Variants in EYS observed in about 807,000 individuals in gnomAD.
EYS encodes protein eyes shut homolog.
Under a neutral mutation model 282.1 loss-of-function variants are expected in EYS, and 250 were observed. The observed-to-expected ratio is 0.89, with a 90% CI of 0.80 to 0.98. EYS has a LOEUF of 0.98. Ranked by LOEUF, EYS falls within the 50% of genes least tolerant of loss-of-function variation. The pLI, the probability that EYS is intolerant of heterozygous loss-of-function variation, is 0.00. For synonymous variants in EYS, 1,355 were observed against 1,282.9 expected, an observed-to-expected ratio of 1.06 and a Z score of -1.20; for missense variants, 4,016 against 3,709.0, an observed-to-expected ratio of 1.08 and a Z score of -2.15.
intron 35 of EYS, among the ~76,000 whole-genome samples, chr6:63,911,648 G>T (rs549867122): frequency 1.3e-5 from 2 of 152,108 alleles, no homozygotes; most frequent in Non-Finnish European, 2.9e-5. Flanking sequence ...AGATATTATG[G>T]TCTCCTTTTT....
At chr6:64,902,029 G>C in intron 18 of EYS, 84 bp downstream of exon 18, 1 of 893,710 alleles carries the variant, frequency 1.1e-6, no homozygotes, top group Non-Finnish European at 1.7e-6. Flanking sequence ...AGCTGCCTTA[G>C]TTACATAATG....
chr6:64,975,558 GAATA>G (rs1481616840), intron 14 of EYS, among the ~76,000 whole-genome samples: 1 of 151,610 alleles, frequency 6.6e-6, no homozygotes, highest in Non-Finnish European at 1.5e-5. Flanking sequence ...TTAAACAAAT[GAATA>G]AATAAAGCCC....
rs202225685 is a variant in EYS at position 64,655,059 on chromosome 6, G to GA, written c.3444-28815dup. ...GTTTTACCTTCTAAATTAAAAACGT[G>GA]AAAAAAATCGATCCATCAAAGAACT... On this transcript the variant is annotated intron_variant, in intron 22 of 42. Transcript: ENST00000503581. Among the ~76,000 whole-genome samples the GA allele has an allele frequency of 1.3e-3, 204 of 152,056 alleles. 3 individuals are homozygous for GA. In the East Asian group the frequency reaches 0.033, roughly 25 times the overall value.
intron 5 of EYS, among the ~76,000 whole-genome samples, chr6:65,431,731 G>A (rs1000485499): frequency 8.6e-5 from 13 of 151,818 alleles, no homozygotes; most frequent in South Asian, 6.2e-4. Flanking sequence ...CTAAATTTCC[G>A]TAATTTTCAT....
intron 26 of EYS, among the ~76,000 whole-genome samples, chr6:64,544,322 AGT>A (rs1764782180): frequency 6.6e-6 from 1 of 152,258 alleles, no homozygotes; most frequent in Non-Finnish European, 1.5e-5. Context: ...AGGGAAAGAA[AGT>A]GTTGCAATTA....
intron 26 of EYS, among the ~76,000 whole-genome samples, chr6:64,464,323 AT>A (rs1445638472): frequency 6.6e-6 from 1 of 152,174 alleles, no homozygotes; most frequent in Non-Finnish European, 1.5e-5. Flanking sequence ...ACTATAGATG[AT>A]AAACCTACAG....
chr6:64,542,710 A>T (rs1209981292), intron 26 of EYS, among the ~76,000 whole-genome samples: 2 of 152,126 alleles, frequency 1.3e-5, no homozygotes, highest in Admixed American at 1.3e-4. Flanking sequence ...TAATTGTCTG[A>T]TGTGGACCAT....
intron 12 of EYS, among the ~76,000 whole-genome samples, chr6:65,090,513 T>G (rs959273009): frequency 6.6e-6 from 1 of 152,168 alleles, no homozygotes; most frequent in Non-Finnish European, 1.5e-5. Flanking sequence ...TCTTTGTGGA[T>G]TAGAAATATA....
chr6:64,446,881 T>A (rs990896585), intron 26 of EYS, among the ~76,000 whole-genome samples: 1 of 151,838 alleles, frequency 6.6e-6, no homozygotes, highest in Non-Finnish European at 1.5e-5. Context: ...AGATAAATGT[T>A]AGGAAATATT....
chr6:64,095,709 A>G (rs901177600), intron 31 of EYS, among the ~76,000 whole-genome samples: 4 of 152,224 alleles, frequency 2.6e-5, no homozygotes, highest in South Asian at 2.1e-4. Flanking sequence ...TCTTTATCCA[A>G]TTTGCCAGGC....
At chr6:64,916,618 GA>G (rs1434006137) in intron 15 of EYS, among the ~76,000 whole-genome samples, 1 of 152,078 alleles carries the variant, frequency 6.6e-6, no homozygotes. Flanking sequence ...TTTGCTCCAT[GA>G]AATAATTTCA....
chr6:65,274,016 A>G (rs1194899760), intron 12 of EYS, among the ~76,000 whole-genome samples: 1 of 152,140 alleles, frequency 6.6e-6, no homozygotes, highest in Non-Finnish European at 1.5e-5. Context: ...ACTGGGGCTT[A>G]TGGAGGTCAG....
intron 26 of EYS, among the ~76,000 whole-genome samples, chr6:64,509,674 A>G (rs1562033010): frequency 6.6e-6 from 1 of 152,186 alleles, no homozygotes; most frequent in Non-Finnish European, 1.5e-5. Context: ...TATTATGTAT[A>G]TCAAGGGGCC....
intron 5 of EYS, among the ~76,000 whole-genome samples, chr6:65,405,815 T>C (rs1460406058): frequency 6.6e-6 from 1 of 152,096 alleles, no homozygotes; most frequent in Non-Finnish European, 1.5e-5. Context: ...TATATACATT[T>C]TGTTAATCCA....
At chr6:64,570,965 A>C (rs1447899643) in intron 26 of EYS, among the ~76,000 whole-genome samples, 1 of 152,194 alleles carries the variant, frequency 6.6e-6, no homozygotes, top group African/African-American at 2.4e-5. Flanking sequence ...ACCCCAGATC[A>C]ACAGAATATA....
rs1158665419 is a variant in EYS, at chr6:65,384,368, A to G, written c.1299+18T>C. On this transcript the variant is annotated intron_variant, in intron 8 of 42. Transcript: ENST00000503581. ...TTTTGAAGGGCTAACTTATGTTGCC[A>G]TGTATTAAATTACTTACTTTGAATC... is the stretch of plus-strand genomic sequence containing the variant. 4 of 1,356,332 alleles carry G rather than the reference A, an allele frequency of 2.9e-6. No individual in the cohort carries two copies. The highest frequency in any genetic ancestry group is 1.8e-4 in the Middle Eastern group (1 of 5,586). The allele number at this position is 1,356,332 out of a possible 1,614,324, so 84.0% of individuals were successfully genotyped here. A position where few individuals can be genotyped will look rare whatever the true frequency, so the allele number is the denominator to read the frequency against.
intron 25 of EYS, 44 bp from the exon 26 acceptor site, chr6:64,592,033 G>C: frequency 1.5e-6 from 2 of 1,373,642 alleles, no homozygotes; most frequent in Non-Finnish European, 1.9e-6. Flanking sequence ...AAATGAATCA[G>C]AAACGAACCA....
chr6:63,984,645 C>T (rs966504435), intron 34 of EYS, 42 bp from the exon 35 acceptor site: 3 of 1,353,524 alleles, frequency 2.2e-6, no homozygotes, highest in Non-Finnish European at 3.1e-6. Flanking sequence ...AGGTTGTTGT[C>T]AGATTATGTG....
At chr6:65,452,192 T>C (rs1764428236) in intron 5 of EYS, among the ~76,000 whole-genome samples, 1 of 151,830 alleles carries the variant, frequency 6.6e-6, no homozygotes. Context: ...AACTAGGGTA[T>C]AATAAAACTT....
Sources: gnomAD v4.1 joint callset for allele counts (sites outside exome capture counted in the v4.1 genomes callset) on GRCh38, gnomAD v4.1.1 for gene constraint, MANE v1.5 for transcripts, NCBI Gene and HGNC (gene_info 2026-07-23, HGNC 2026-07-21) for gene names.